Variants in NIBAN1 observed in about 807,000 individuals in gnomAD.
NIBAN1 encodes the protein protein Niban 1.
NIBAN1 carries 81 observed loss-of-function variants against 75.1 expected under a neutral mutation model. The ratio of observed to expected loss-of-function variants is 1.08; its 90% CI spans 0.90 to 1.30. NIBAN1 has a LOEUF of 1.30. NIBAN1 is among the 50% of genes most tolerant of loss of function. The pLI is 0.00. For synonymous variants in NIBAN1, 436 were observed against 424.8 expected, an observed-to-expected ratio of 1.03 and a Z score of -0.32; for missense variants, 1,133 against 1,128.1, an observed-to-expected ratio of 1.00 and a Z score of -0.06.
chr1:184,890,903 A>G (rs1291943866), intron 3 of NIBAN1, among the ~76,000 whole-genome samples: 1 of 152,218 alleles, frequency 6.6e-6, no homozygotes, highest in African/African-American at 2.4e-5. Context: ...TATGCCCACA[A>G]GGACATGCAG....
chr1:184,884,048 C>T (rs574841832), intron 5 of NIBAN1, among the ~76,000 whole-genome samples: 2 of 152,142 alleles, frequency 1.3e-5, no homozygotes, highest in East Asian at 3.9e-4. Context: ...TCAGGACAGT[C>T]AGAATGTGAC....
chr1:184,876,835 G>A (rs1188568537), intron 5 of NIBAN1, among the ~76,000 whole-genome samples: 2 of 152,068 alleles, frequency 1.3e-5, no homozygotes, highest in African/African-American at 2.4e-5. Context: ...AATAATTCCA[G>A]TTTTACACAA....
intron 8 of NIBAN1, among the ~76,000 whole-genome samples, chr1:184,819,181 G>GT (rs1425847381): frequency 1.3e-5 from 2 of 152,110 alleles, no homozygotes; most frequent in Admixed American, 1.3e-4. Context: ...TGCACAGTTT[G>GT]TCTTCTAAAA....
chr1:184,824,852 C>T lies in NIBAN1; in HGVS notation c.718-1110G>A, dbSNP rs191566406. ...GGATTAATGTGGGGAAACACCTTTTCTTCCAGTTTTGAGAAACTTCCTCTT... is the reference window on the plus strand; with the variant it reads ...GGATTAATGTGGGGAAACACCTTTTTTTCCAGTTTTGAGAAACTTCCTCTT... On this transcript the variant is annotated intron_variant, in intron 6 of 13. Transcript: ENST00000367511. Among the ~76,000 whole-genome samples the T allele has an allele frequency of 6.0e-4, 91 of 152,294 alleles. No homozygotes were observed. The Middle Eastern group carries it at 0.017, about 28-fold the overall frequency.
chr1:184,974,145 G>C (rs907077573), intron 1 of NIBAN1, among the ~76,000 whole-genome samples, 157 bp downstream of exon 1: 8 of 152,054 alleles, frequency 5.3e-5, no homozygotes, highest in African/African-American at 1.7e-4. Context: ...GCGCCGGCTG[G>C]GGCAGGAAAC....
intron 1 of NIBAN1, among the ~76,000 whole-genome samples, chr1:184,919,418 T>C (rs1412674027): frequency 4.6e-5 from 7 of 152,174 alleles, no homozygotes; most frequent in Admixed American, 4.6e-4. Context: ...ACAAAGAAAG[T>C]TTTGAGGTGA....
At chr1:184,869,193 C>T (rs1656034258) in intron 5 of NIBAN1, among the ~76,000 whole-genome samples, 1 of 152,096 alleles carries the variant, frequency 6.6e-6, no homozygotes, top group Admixed American at 6.6e-5. Context: ...GGTACATTGC[C>T]TCTCACTCGG....
intron 10 of NIBAN1, 103 bp downstream of exon 10, chr1:184,807,971 C>T (rs757914727): frequency 3.1e-5 from 41 of 1,341,390 alleles, no homozygotes; most frequent in Non-Finnish European, 3.3e-5. Context: ...AGAGACGCGA[C>T]GTATTTCCCT....
intron 1 of NIBAN1, among the ~76,000 whole-genome samples, chr1:184,941,949 G>A (rs1658099805): frequency 6.6e-6 from 1 of 151,974 alleles, no homozygotes; most frequent in Non-Finnish European, 1.5e-5. Context: ...CAAATTTTTC[G>A]GCCACTCATT....
intron 1 of NIBAN1, among the ~76,000 whole-genome samples, chr1:184,908,164 C>G (rs530526534): frequency 1.3e-5 from 2 of 152,274 alleles, no homozygotes; most frequent in African/African-American, 4.8e-5. Flanking sequence ...GTGAGAGACC[C>G]TAAGTTCTTC....
chr1:184,834,320 T>A (rs892826311), intron 5 of NIBAN1, among the ~76,000 whole-genome samples: 9 of 152,270 alleles, frequency 5.9e-5, no homozygotes, highest in African/African-American at 2.2e-4. Context: ...AATAAACATA[T>A]GTGTGCATGT....
At chr1:184,962,199 G>A (rs1405355920) in intron 1 of NIBAN1, among the ~76,000 whole-genome samples, 1 of 152,094 alleles carries the variant, frequency 6.6e-6, no homozygotes, top group East Asian at 1.9e-4. Flanking sequence ...AATAAACGTG[G>A]GGAAGAATTG....
intron 1 of NIBAN1, among the ~76,000 whole-genome samples, chr1:184,964,551 T>C (rs1461749994): frequency 6.6e-6 from 1 of 152,198 alleles, no homozygotes; most frequent in Non-Finnish European, 1.5e-5. Flanking sequence ...CCTTGATTGC[T>C]TCTTCTGTGA....
At chr1:184,806,845 T>C (rs888347878) in intron 10 of NIBAN1, among the ~76,000 whole-genome samples, 1 of 150,066 alleles carries the variant, frequency 6.7e-6, no homozygotes, top group Non-Finnish European at 1.5e-5. Flanking sequence ...CTTGGTTCAC[T>C]GCAACCTCTG....
intron 1 of NIBAN1, among the ~76,000 whole-genome samples, chr1:184,947,209 T>A (rs1658249659): frequency 6.6e-6 from 1 of 152,160 alleles, no homozygotes; most frequent in African/African-American, 2.4e-5. Context: ...TTTAAGAAGG[T>A]TAAGTAGACA....
In NIBAN1 at chr1:184,791,058, A is replaced by G; in HGVS notation, c.*3919T>C. On this transcript the variant is annotated 3_prime_UTR_variant, in exon 14 of 14. Transcript: ENST00000367511. Reference sequence around the variant, plus strand: ...TCAAGGATGAACATTTTATTGGAATATAGGCACCTGGCAGAGTAAATACAT... The same window carrying G: ...TCAAGGATGAACATTTTATTGGAATGTAGGCACCTGGCAGAGTAAATACAT... 2 of 471,452 alleles carry G rather than the reference A, an allele frequency of 4.2e-6. No homozygotes were observed. Among genetic ancestry groups the G allele is most frequent in the South Asian group, 3.1e-5 (2 of 64,520 alleles). The allele number at this position is 471,452 out of a possible 1,614,324, so 29.2% of individuals were successfully genotyped here. A position where few individuals can be genotyped will look rare whatever the true frequency, so the allele number is the denominator to read the frequency against.
chr1:184,942,616 C>T (rs868622848), intron 1 of NIBAN1, among the ~76,000 whole-genome samples: 1 of 151,466 alleles, frequency 6.6e-6, no homozygotes, highest in African/African-American at 2.4e-5. Context: ...ATGGCGTGAA[C>T]CCGGGAGGCG....
intron 1 of NIBAN1, among the ~76,000 whole-genome samples, chr1:184,917,368 ATTT>A (rs1168037153): frequency 1.0e-4 from 9 of 89,100 alleles, no homozygotes; most frequent in African/African-American, 2.6e-4. Context: ...CGCCCGGCTA[ATTT>A]TTTTTTTTTT....
chr1:184,823,416 G>T lies in NIBAN1; in HGVS notation c.823-87C>A, dbSNP rs144981050. 277 of 1,506,442 alleles carry T rather than the reference G, an allele frequency of 1.8e-4. No homozygotes were observed. In the East Asian group the frequency reaches 6.1e-3, roughly 33 times the overall value. 93.3% of individuals were successfully genotyped at this position (1,506,442 alleles called of 1,614,324 possible). On this transcript the variant is annotated intron_variant, in intron 7 of 13. Transcript: ENST00000367511. ...GTGGAGGGAGGAGCCTTCATCACAG[G>T]CCATCATAACAAACAGAACTGCACA...
Sources: allele counts gnomAD v4.1 joint callset (sites outside exome capture counted in the v4.1 genomes callset), GRCh38; gene constraint gnomAD v4.1.1; transcripts MANE v1.5; gene names NCBI Gene and HGNC (gene_info 2026-07-23, HGNC 2026-07-21).